The following SSRP1 variants were observed in gnomAD, a reference collection of about 807,000 sequenced individuals.
SSRP1 encodes FACT complex subunit SSRP1.
In SSRP1, 21 loss-of-function variants were observed where a neutral mutation model predicts 84.4. The observed-to-expected ratio is 0.25, with a 90% confidence interval of 0.18 to 0.36. The LOEUF (loss-of-function observed/expected upper bound fraction) is 0.36, where lower values mean the gene tolerates loss of function less well. Among genes scored for constraint, SSRP1 ranks in the 10% least tolerant of loss-of-function variants. The probability of loss-of-function intolerance (pLI) is 1.00; values close to 1 mark genes in which losing one functional copy is unlikely to be tolerated. For synonymous variants in SSRP1, 319 were observed against 318.3 expected, an observed-to-expected ratio of 1.00 and a Z score of -0.02; for missense variants, 519 against 900.8, an observed-to-expected ratio of 0.58 and a Z score of 5.43.
In SSRP1 at chr11:57,327,467, G is replaced by C; in HGVS notation, c.1830C>G (p.Ala610=). 2 of 1,613,932 alleles carry C rather than the reference G, an allele frequency of 1.2e-6. No homozygotes were observed. The highest frequency in any genetic ancestry group is 2.2e-5 in the East Asian group (1 of 44,878). ...AEDARRDYEK[A]MKEYEGGRGE... is the part of the protein sequence containing the mutation. ...CTCGGCCCCCTTCATATTCTTTCATGGCTTTTTCATAGTCCCTCCTGGCAT... is the reference window on the plus strand; with the variant it reads ...CTCGGCCCCCTTCATATTCTTTCATCGCTTTTTCATAGTCCCTCCTGGCAT... The change falls in exon 15 of 17, where the codon GCC becomes GCG. Residue 610 remains alanine, a synonymous_variant. Transcript: ENST00000278412.
Position 57,326,326 on chromosome 11 carries a change from T to C in SSRP1, c.*81A>G. Reference sequence around the variant, plus strand: ...CACAGAATCCAGGGACTGCATTTCATGAGGAGAAACTGGTACCAAAATATG... The same window carrying C: ...CACAGAATCCAGGGACTGCATTTCACGAGGAGAAACTGGTACCAAAATATG... On this transcript the variant is annotated 3_prime_UTR_variant, in exon 17 of 17. Transcript: ENST00000278412. 4.4e-6 allele frequency: 6 copies of C among 1,348,412 alleles called. No homozygotes were observed. In the South Asian group the frequency reaches 7.0e-5, roughly 16 times the overall value. 83.5% of individuals were successfully genotyped at this position (1,348,412 alleles called of 1,614,324 possible).
At chr11:57,326,962 T>A (rs987328495) in intron 15 of SSRP1, 73 bp from the exon 16 acceptor site, 1 of 1,466,356 alleles carries the variant, frequency 6.8e-7, no homozygotes, top group Non-Finnish European at 9.0e-7. Flanking sequence ...CTCCCAGCTT[T>A]AACAAGGCCT....
intron 12 of SSRP1, chr11:57,328,755 G>T: frequency 4.3e-6 from 1 of 233,054 alleles, no homozygotes; most frequent in Non-Finnish European, 8.3e-6. Context: ...CAGAAACACT[G>T]CCTCATTCAT....
Position 57,330,209 on chromosome 11 carries a change from C to T in SSRP1, c.1436-71G>A, listed in dbSNP as rs1025133135. 10 of 1,614,050 alleles carry T rather than the reference C, an allele frequency of 6.2e-6. No individual in the cohort carries two copies. The highest frequency in any genetic ancestry group is 7.6e-6 in the Non-Finnish European group (9 of 1,180,010). ...CCCCCCACCTCACCCAGGCACCCAG[C>T]TCTGGCCCAAGGGTGAGTCCAGCCC... On this transcript the variant is annotated intron_variant, in intron 11 of 16. Transcript: ENST00000278412. The surrounding 1 kb of genome is among the most constrained non-coding windows in gnomAD (Gnocchi z 4.0).
Position 57,333,118 on chromosome 11 carries a change from C to T in SSRP1, c.378G>A (p.Gln126=), listed in dbSNP as rs1476457810. ...GQLLSFDIGD[Q]PVFEIPLSNV... Reference sequence around the variant, plus strand: ...TGCTGAGGGGTATCTCAAAGACTGGCTGGTCACCAATGTCAAAGGAAAGCA... The same window carrying T: ...TGCTGAGGGGTATCTCAAAGACTGGTTGGTCACCAATGTCAAAGGAAAGCA... The change falls in exon 5 of 17, where the codon CAG becomes CAA. Residue 126 remains glutamine, a synonymous_variant. Transcript: ENST00000278412. The T allele has an allele frequency of 6.2e-7, 1 of 1,612,296 alleles. No individual in the cohort carries two copies. Among genetic ancestry groups the T allele is most frequent in the African/African-American group, 1.3e-5 (1 of 74,904 alleles).
In SSRP1 at chr11:57,335,266, G is replaced by T; in HGVS notation, c.-119-26C>A. 1.2e-6 allele frequency: 1 copy of T among 817,078 alleles called. No homozygotes were observed. The highest frequency in any genetic ancestry group is 2.1e-6 in the Non-Finnish European group (1 of 477,904). The allele number at this position is 817,078 out of a possible 1,614,324, so 50.6% of individuals were successfully genotyped here. A position where few individuals can be genotyped will look rare whatever the true frequency, so the allele number is the denominator to read the frequency against. ...CTGAATTCAAGAGGAAGACAGATAA[G>T]CATGAAAGACAGCACCTCGCTGTGC... On this transcript the variant is annotated intron_variant, in intron 1 of 16. Transcript: ENST00000278412. The surrounding 1 kb of genome is among the most constrained non-coding windows in gnomAD (Gnocchi z 4.6).
intron 13 of SSRP1, 121 bp from the exon 14 acceptor site, chr11:57,328,003 C>A: frequency 1.6e-6 from 2 of 1,235,682 alleles, no homozygotes; most frequent in Admixed American, 2.3e-5. Context: ...TCAGGCGAGA[C>A]GAGAGCTCCC....
intron 15 of SSRP1, 28 bp from the exon 16 acceptor site, chr11:57,326,917 G>A (rs1226702091): frequency 6.5e-7 from 1 of 1,545,236 alleles, no homozygotes; most frequent in Non-Finnish European, 8.7e-7. Context: ...AAGAGGAGCT[G>A]GGCCTTCAGG....
chr11:57,331,812 A>G lies in SSRP1; in HGVS notation c.1079T>C (p.Ile360Thr). The G allele has an allele frequency of 1.2e-6, 2 of 1,614,212 alleles. No individual in the cohort carries two copies. Among genetic ancestry groups the G allele is most frequent in the Non-Finnish European group, 1.7e-6 (2 of 1,180,030 alleles). ...GTGCACAGGTGGCTTGTGGACGTAG[A>G]TGAAGCCCCGCTCCAGCGGGTAGAG... The part of the protein sequence containing the change: ...GLLYPLERGF[I>T]YVHKPPVHIR... The change falls in exon 9 of 17, where the codon ATC becomes ACC. Residue 360 changes from isoleucine to threonine, a missense_variant. Ile to Thr is a moderately conservative substitution (Grantham distance 89). Coordinates refer to ENST00000278412, the MANE Select transcript of SSRP1 (RefSeq NM_003146.3).
At position 57,330,832 on chromosome 11, in the gene SSRP1, T is replaced by C; in HGVS notation, c.1296+23A>G. ...CCTATAGAAAGACCAGGAGAGGGTC[T>C]CATCCTCCCCACACAGAAGTACCTC... On this transcript the variant is annotated intron_variant, in intron 10 of 16. Transcript: ENST00000278412. The surrounding 1 kb of genome is among the most constrained non-coding windows in gnomAD (Gnocchi z 4.0). The C allele has an allele frequency of 6.2e-7, 1 of 1,614,106 alleles. No homozygotes were observed. The highest frequency in any genetic ancestry group is 1.3e-5 in the African/African-American group (1 of 75,066).
intron 15 of SSRP1, 80 bp downstream of exon 15, chr11:57,327,346 C>G: frequency 7.0e-7 from 1 of 1,419,426 alleles, no homozygotes; most frequent in Admixed American, 1.8e-5. Flanking sequence ...CTTTAACTTT[C>G]CAATGCTCAA....
Position 57,332,980 on chromosome 11 carries a change from C to T in SSRP1, c.516G>A (p.Glu172=). 1 of 1,613,086 alleles carries T rather than the reference C, an allele frequency of 6.2e-7. No homozygotes were observed. The highest frequency in any genetic ancestry group is 1.1e-5 in the South Asian group (1 of 90,922). The change falls in exon 5 of 17, where the codon GAG becomes GAA. Residue 172 remains glutamate (E), a synonymous_variant. Transcript: ENST00000278412. The surrounding 1 kb of genome is among the most constrained non-coding windows in gnomAD (Gnocchi z 5.5). The part of the protein sequence containing the change: ...EVRFYVPPTQ[E]DGVDPVEAFA... ...TCACCTCAACAGGGTCCACACCATC[C>T]TCCTGGGTGGGTGGGACGTAGAAGC...
At chr11:57,327,113 C>T in intron 15 of SSRP1, 1 of 805,182 alleles carries the variant, frequency 1.2e-6, no homozygotes, top group South Asian at 2.0e-5. Context: ...GCAAAACCTA[C>T]TTGATATTTC....
chr11:57,328,520 C>G (rs949756691), intron 12 of SSRP1, 94 bp from the exon 13 acceptor site: 23 of 1,530,708 alleles, frequency 1.5e-5, no homozygotes, highest in Non-Finnish European at 1.9e-5. Flanking sequence ...GATACCCACC[C>G]AAAAGGGGCA....
chr11:57,333,501 G>A lies in SSRP1; in HGVS notation c.280C>T (p.Arg94Cys), dbSNP rs767096415. Reference protein sequence around the residue: ...KLSDFFKTHYRLELMEKDLCV... With the variant: ...KLSDFFKTHYCLELMEKDLCV... ...AGGTCCTTCTCCATTAGCTCAAGGC[G>A]ATAGTGAGTTTTGAAGAAATCAGAG... The change falls in exon 4 of 17, where the codon CGC becomes TGC. Residue 94 changes from arginine (R) to cysteine (C), a missense_variant. Transcript: ENST00000278412. The A allele has an allele frequency of 9.3e-6, 15 of 1,613,882 alleles. No homozygotes were observed. Among genetic ancestry groups the A allele is most frequent in the East Asian group, 8.9e-5 (4 of 44,900 alleles).
At chr11:57,331,542 A>T (rs1856091424) in intron 9 of SSRP1, 126 bp downstream of exon 9, 1 of 700,186 alleles carries the variant, frequency 1.4e-6, no homozygotes, top group Admixed American at 2.4e-5. Flanking sequence ...AAAAGGACCA[A>T]ATCCTGATGT....
At position 57,331,784 on chromosome 11, in the gene SSRP1, G is replaced by C. The variant is rs2134390138; in HGVS notation, c.1107C>G (p.Ile369Met). The C allele has an allele frequency of 1.2e-6, 2 of 1,614,218 alleles. No homozygotes were observed. The highest frequency in any genetic ancestry group is 8.5e-7 in the Non-Finnish European group (1 of 1,180,044). ...FIYVHKPPVH[I>M]RFDEISFVNF... ...TGACAAAGGAGATCTCATCGAAGCGGATGTGCACAGGTGGCTTGTGGACGT... is the reference window on the plus strand; with the variant it reads ...TGACAAAGGAGATCTCATCGAAGCGCATGTGCACAGGTGGCTTGTGGACGT... Residue 369 changes from isoleucine to methionine, a missense_variant, in exon 9 of 17, where the codon ATC (isoleucine) becomes ATG (methionine). Coordinates refer to ENST00000278412, the MANE Select transcript of SSRP1 (RefSeq NM_003146.3).
Position 57,335,422 on chromosome 11 carries a change from C to A in SSRP1, c.-119-182G>T. The A allele has an allele frequency of 2.7e-6, 1 of 364,992 alleles. No individual in the cohort carries two copies. Among genetic ancestry groups the A allele is most frequent in the Non-Finnish European group, 5.3e-6 (1 of 188,758 alleles). 22.6% of individuals were successfully genotyped at this position (364,992 alleles called of 1,614,324 possible). ...CCAGGCCTGGGTGGAGAACCGGGCC[C>A]GGAATACCGCTGACACCCAACCCGA... is the stretch of plus-strand genomic sequence containing the variant. On this transcript the variant is annotated intron_variant, in intron 1 of 16. Coordinates refer to ENST00000278412, the MANE Select transcript of SSRP1 (RefSeq NM_003146.3). This position sits in a 1 kb window ranked among gnomAD's most constrained non-coding sequence, Gnocchi z 4.6.
At chr11:57,334,958 G>T (rs574735634) in intron 2 of SSRP1, 110 bp downstream of exon 2, 1 of 1,287,564 alleles carries the variant, frequency 7.8e-7, no homozygotes, top group African/African-American at 1.5e-5. Flanking sequence ...ACATTATACT[G>T]AGTCTTCTTT....
Sources: gnomAD v4.1 joint callset for allele counts on GRCh38, gnomAD v4.1.1 for gene constraint, Gnocchi (gnomAD v3.1) non-coding constraint, MANE v1.5 for transcripts, NCBI Gene and HGNC (gene_info 2026-07-23, HGNC 2026-07-21) for gene names.